Variants in SDHAF3 observed in about 807,000 individuals in gnomAD.
SDHAF3 encodes the protein succinate dehydrogenase assembly factor 3, mitochondrial.
SDHAF3 carries 18 observed loss-of-function variants against 11.5 expected under a neutral mutation model. That is an observed-to-expected ratio of 1.56 (90% CI 1.08 to 2.32). SDHAF3 has a LOEUF of 2.32. Among genes scored for constraint, SDHAF3 ranks in the 30% most tolerant of loss-of-function variants. The pLI, the probability that SDHAF3 is intolerant of heterozygous loss-of-function variation, is 0.00. For missense variants in SDHAF3, 200 were observed against 154.4 expected, an observed-to-expected ratio of 1.30 and a Z score of -1.57; for synonymous variants, 72 against 59.3, an observed-to-expected ratio of 1.21 and a Z score of -0.99.
At chr7:97,124,080 T>C (rs934586407) in intron 1 of SDHAF3, among the ~76,000 whole-genome samples, 8 of 152,222 alleles carry the variant, frequency 5.3e-5, no homozygotes, top group African/African-American at 1.9e-4. Flanking sequence ...CCCATGCCTA[T>C]GTCCTGAATG....
intron 1 of SDHAF3, among the ~76,000 whole-genome samples, chr7:97,131,875 A>G (rs762660338): frequency 6.6e-6 from 1 of 152,202 alleles, no homozygotes; most frequent in African/African-American, 2.4e-5. Flanking sequence ...ATTACTGTAG[A>G]TATCCAATGA....
chr7:97,122,155 C>T (rs1475629561), intron 1 of SDHAF3, among the ~76,000 whole-genome samples: 3 of 152,046 alleles, frequency 2.0e-5, no homozygotes, highest in Non-Finnish European at 2.9e-5. Context: ...CGCGCCCGGC[C>T]GAAACAGTAT....
At chr7:97,137,250 C>T (rs1788941133) in intron 1 of SDHAF3, among the ~76,000 whole-genome samples, 1 of 152,044 alleles carries the variant, frequency 6.6e-6, no homozygotes, top group Admixed American at 6.6e-5. Flanking sequence ...AAATTAAATC[C>T]TTTCCTTGAT....
chr7:97,143,707 GTTTC>G lies in SDHAF3; in HGVS notation c.174+25814_174+25817del, dbSNP rs939771785. On this transcript the variant is annotated intron_variant, in intron 1 of 1. Coordinates refer to ENST00000432641, the MANE Select transcript of SDHAF3 (RefSeq NM_020186.3). ...TGTGTGTGTGTGTGTGTGTATACCA[GTTTC>G]TTTATCCACTCATTGATTGATGGGC... Among the ~76,000 whole-genome samples, 15 of 149,358 alleles carry G rather than the reference GTTTC, an allele frequency of 1.0e-4. 1 individual carries two copies. The highest frequency in any genetic ancestry group is 3.2e-4 in the African/African-American group (13 of 40,064).
chr7:97,174,401 A>C (rs1789649959), intron 1 of SDHAF3, among the ~76,000 whole-genome samples: 1 of 152,202 alleles, frequency 6.6e-6, no homozygotes, highest in South Asian at 2.1e-4. Context: ...ACTGTTATAG[A>C]AACTAAGAAG....
At chr7:97,161,275 A>G (rs1205044888) in intron 1 of SDHAF3, among the ~76,000 whole-genome samples, 3 of 152,068 alleles carry the variant, frequency 2.0e-5, no homozygotes, top group Non-Finnish European at 2.9e-5. Flanking sequence ...ATTTTCCTCT[A>G]TTAGTATTTT....
chr7:97,127,855 A>G lies in SDHAF3; in HGVS notation c.174+9958A>G, dbSNP rs981450726. Among the ~76,000 whole-genome samples, 66 of 139,730 alleles carry G rather than the reference A, an allele frequency of 4.7e-4. 1 individual carries two copies. Among genetic ancestry groups the G allele is most frequent in the African/African-American group, 1.7e-3 (65 of 37,370 alleles). 91.7% of individuals were successfully genotyped at this position (139,730 alleles called of 152,430 possible). ...ATTGTCGGTGTTTTTGTGATGGTTT[A>G]TTGAATGGTGATTTGTCACACATAT... On this transcript the variant is annotated intron_variant, in intron 1 of 1. Transcript: ENST00000432641.
In SDHAF3 at chr7:97,151,795, G is replaced by A. The variant is rs114271326; in HGVS notation, c.175-29217G>A. On this transcript the variant is annotated intron_variant, in intron 1 of 1. Coordinates refer to ENST00000432641, the MANE Select transcript of SDHAF3 (RefSeq NM_020186.3). ...ATTACAGGCATGAGCCACCACGCTC[G>A]GCCAACCTTTAGTCTCTTTTTCCTG... Among the ~76,000 whole-genome samples, 1,407 of 152,104 alleles carry A rather than the reference G, an allele frequency of 9.3e-3. 29 individuals are homozygous for A. Among genetic ancestry groups the A allele is most frequent in the African/African-American group, 0.032 (1,324 of 41,500 alleles).
intron 1 of SDHAF3, among the ~76,000 whole-genome samples, chr7:97,133,270 GC>G (rs927526861): frequency 3.3e-5 from 5 of 152,148 alleles, no homozygotes; most frequent in African/African-American, 1.2e-4. Context: ...GTCAGGATTT[GC>G]TGCCAGATAA....
chr7:97,168,532 G>T (rs1462879906), intron 1 of SDHAF3, among the ~76,000 whole-genome samples: 1 of 152,214 alleles, frequency 6.6e-6, no homozygotes, highest in East Asian at 1.9e-4. Flanking sequence ...GAGTTGGTTA[G>T]GTCAGATCTC....
At chr7:97,147,254 G>A (rs1209097297) in intron 1 of SDHAF3, among the ~76,000 whole-genome samples, 1 of 152,116 alleles carries the variant, frequency 6.6e-6, no homozygotes, top group Non-Finnish European at 1.5e-5. Context: ...TCAAAAGATT[G>A]TTTTCAGAAG....
chr7:97,177,736 T>G (rs1196103374), intron 1 of SDHAF3, among the ~76,000 whole-genome samples: 1 of 152,220 alleles, frequency 6.6e-6, no homozygotes, highest in East Asian at 1.9e-4. Context: ...TTTAAAAAAT[T>G]CCAGATAGTG....
At chr7:97,142,482 A>G (rs1016077917) in intron 1 of SDHAF3, among the ~76,000 whole-genome samples, 7 of 152,164 alleles carry the variant, frequency 4.6e-5, no homozygotes, top group Non-Finnish European at 7.4e-5. Context: ...CTTTATGTAG[A>G]TAATACTGTC....
chr7:97,164,512 G>A (rs148734430), intron 1 of SDHAF3, among the ~76,000 whole-genome samples: 3 of 151,538 alleles, frequency 2.0e-5, no homozygotes, highest in Non-Finnish European at 4.4e-5. Flanking sequence ...GAGTAGCTGA[G>A]ATTATAGGTG....
intron 1 of SDHAF3, among the ~76,000 whole-genome samples, chr7:97,131,941 A>G (rs1056314375): frequency 1.3e-5 from 2 of 152,196 alleles, no homozygotes; most frequent in African/African-American, 4.8e-5. Flanking sequence ...GTTATTAGAA[A>G]TGGTGTTTCA....
At chr7:97,162,344 T>C (rs1251704973) in intron 1 of SDHAF3, among the ~76,000 whole-genome samples, 1 of 152,182 alleles carries the variant, frequency 6.6e-6, no homozygotes, top group Non-Finnish European at 1.5e-5. Context: ...CCTGGCTTCA[T>C]TGATTTTTTT....
At chr7:97,169,274 C>T (rs1789566059) in intron 1 of SDHAF3, among the ~76,000 whole-genome samples, 1 of 151,938 alleles carries the variant, frequency 6.6e-6, no homozygotes, top group Non-Finnish European at 1.5e-5. Context: ...CGCGGCGCTG[C>T]ACTCCAGCCT....
At chr7:97,127,805 A>G (rs1193272504) in intron 1 of SDHAF3, among the ~76,000 whole-genome samples, 3 of 152,062 alleles carry the variant, frequency 2.0e-5, no homozygotes, top group African/African-American at 7.2e-5. Context: ...GGTCTCAGTC[A>G]AATTGTTAAT....
chr7:97,165,357 C>CTTTTTTTTTTTTTTTTTTTT (rs10653828), intron 1 of SDHAF3, among the ~76,000 whole-genome samples: 13 of 77,024 alleles, frequency 1.7e-4, no homozygotes, highest in Non-Finnish European at 2.6e-4. Flanking sequence ...ATTTTCCTAC[C>CTTTTTTTTTTTTTTTTTTTT]TTTTTTTTTT....
Sources: gnomAD v4.1 joint callset for allele counts (sites outside exome capture counted in the v4.1 genomes callset) on GRCh38, gnomAD v4.1.1 for gene constraint, MANE v1.5 for transcripts, NCBI Gene and HGNC (gene_info 2026-07-23, HGNC 2026-07-21) for gene names.